Variants in ARHGEF10 observed in about 807,000 individuals in gnomAD.
ARHGEF10 encodes Rho guanine nucleotide exchange factor (GEF) 10.
Under a neutral mutation model 147.4 loss-of-function variants are expected in ARHGEF10, and 140 were observed. The observed-to-expected ratio is 0.95, with a 90% CI of 0.83 to 1.09. The LOEUF (loss-of-function observed/expected upper bound fraction) is 1.09, where lower values mean the gene tolerates loss of function less well. Among genes scored for constraint, ARHGEF10 ranks in the 50% least tolerant of loss-of-function variants. The pLI, the probability that ARHGEF10 is intolerant of heterozygous loss-of-function variation, is 0.00. For missense variants in ARHGEF10, 2,222 were observed against 1,752.7 expected (o/e 1.27, Z -4.78); for synonymous variants, 902 against 695.8 (o/e 1.30, Z -4.67).
chr8:1,827,167 C>T (rs1473437691), intron 1 of ARHGEF10, among the ~76,000 whole-genome samples: 1 of 152,224 alleles, frequency 6.6e-6, no homozygotes, highest in East Asian at 1.9e-4. Flanking sequence ...TGCCCTGCCA[C>T]CAGCCCCCAC....
intron 26 of ARHGEF10, 23 bp from the exon 27 acceptor site, chr8:1,945,458 G>C: frequency 6.4e-7 from 1 of 1,569,074 alleles, no homozygotes; most frequent in South Asian, 1.2e-5. Flanking sequence ...GGGGCTAGCA[G>C]ACTTGACCTC....
At chr8:1,851,507 A>G (rs1563177479) in intron 2 of ARHGEF10, among the ~76,000 whole-genome samples, 1 of 143,714 alleles carries the variant, frequency 7.0e-6, no homozygotes, top group South Asian at 2.2e-4. Flanking sequence ...GATGGGGGAT[A>G]GTGTTGGGGG....
chr8:1,848,305 G>T (rs1454035237), intron 2 of ARHGEF10, among the ~76,000 whole-genome samples: 1 of 152,198 alleles, frequency 6.6e-6, no homozygotes, highest in African/African-American at 2.4e-5. Context: ...GCCCCAGGGA[G>T]GGATTCTTTC....
rs1242298204 is a variant in ARHGEF10 at position 1,889,512 on chromosome 8, G to A, written c.1182+3805G>A. 9.9e-5 allele frequency among the ~76,000 whole-genome samples: 7 copies of A among 70,952 alleles called. 1 individual carries two copies. Among genetic ancestry groups the A allele is most frequent in the African/African-American group, 4.5e-4 (6 of 13,244 alleles). 46.5% of individuals were successfully genotyped at this position (70,952 alleles called of 152,430 possible). On this transcript the variant is annotated intron_variant, in intron 11 of 28. Transcript: ENST00000349830. ...TGAGGGGTCTGTGAGGAGACACTGA[G>A]TGGGGTGAGGGGTATTGAGGAGACA...
chr8:1,915,664 T>C lies in ARHGEF10; in HGVS notation c.2143+6194T>C, dbSNP rs142186740. 6.5e-3 allele frequency among the ~76,000 whole-genome samples: 996 copies of C among 152,354 alleles called. 5 individuals are homozygous for C. The highest frequency in any genetic ancestry group is 0.027 in the Middle Eastern group (8 of 294). On this transcript the variant is annotated intron_variant, in intron 18 of 28. Coordinates refer to ENST00000349830, the MANE Select transcript of ARHGEF10 (RefSeq NM_014629.4). ...CTCCGTCACTGTGTCTGTTTATATC[T>C]CCCGTTACCTCAGGGACAAACACTG...
intron 8 of ARHGEF10, among the ~76,000 whole-genome samples, chr8:1,878,720 T>G (rs1448408539): frequency 6.6e-6 from 1 of 152,208 alleles, no homozygotes; most frequent in Non-Finnish European, 1.5e-5. Flanking sequence ...TAGTCACTCC[T>G]TGGTAGTAAT....
chr8:1,858,184 C>T (rs1210742696), intron 3 of ARHGEF10, 69 bp downstream of exon 3: 4 of 1,450,536 alleles, frequency 2.8e-6, no homozygotes, highest in Non-Finnish European at 3.7e-6. Flanking sequence ...AGGTGGGTCC[C>T]CATGTGAGTC....
intron 2 of ARHGEF10, among the ~76,000 whole-genome samples, chr8:1,844,393 T>TGG (rs1412406812): frequency 2.0e-5 from 3 of 152,038 alleles, no homozygotes; most frequent in Admixed American, 6.5e-5. Flanking sequence ...CGGGGCCTGG[T>TGG]AGATGACAGA....
chr8:1,950,105 G>A (rs184967312), intron 27 of ARHGEF10, among the ~76,000 whole-genome samples: 128 of 152,250 alleles, frequency 8.4e-4, no homozygotes, highest in Non-Finnish European at 1.6e-3. Context: ...CACTTCACAC[G>A]TGTAACCCAT....
intron 1 of ARHGEF10, among the ~76,000 whole-genome samples, chr8:1,840,395 TGTCTGGTGTGGGGACTGTCTG>T: frequency 3.6e-5 from 5 of 140,626 alleles, no homozygotes; most frequent in East Asian, 2.3e-4. Context: ...GTGTGGAAGC[TGTCTGGTGTGGGGACTGTCTG>T]GTGTGGAAGC....
chr8:1,882,330 A>G (rs1444910226), intron 9 of ARHGEF10, among the ~76,000 whole-genome samples: 3 of 152,118 alleles, frequency 2.0e-5, no homozygotes, highest in Admixed American at 1.3e-4. Flanking sequence ...GTTGTTTGAC[A>G]TTTGTGCATG....
intron 1 of ARHGEF10, among the ~76,000 whole-genome samples, chr8:1,837,682 G>A (rs61308353): frequency 0.08 from 12,207 of 152,202 alleles, 639 homozygotes; most frequent in African/African-American, 0.14. Flanking sequence ...AGGGGGAAGA[G>A]TGTGCTTCTG....
rs905145426 is a variant in ARHGEF10, at chr8:1,833,908, G to A, written c.-47-9445G>A. On this transcript the variant is annotated intron_variant, in intron 1 of 28. Coordinates refer to ENST00000349830, the MANE Select transcript of ARHGEF10 (RefSeq NM_014629.4). ...CCCCAAGTGTACGGCACACAGCATT[G>A]TTGGGGAGCCGTGTCGGGGCTGCTG... Among the ~76,000 whole-genome samples, 24 of 152,322 alleles carry A rather than the reference G, an allele frequency of 1.6e-4. No homozygotes were observed. In the East Asian group the frequency reaches 4.6e-3, roughly 29 times the overall value.
At chr8:1,886,740 G>T in intron 11 of ARHGEF10, among the ~76,000 whole-genome samples, 1 of 152,298 alleles carries the variant, frequency 6.6e-6, no homozygotes, top group South Asian at 2.1e-4. Flanking sequence ...TGCAAATCCC[G>T]TTGCCATCCT....
intron 27 of ARHGEF10, among the ~76,000 whole-genome samples, chr8:1,951,580 G>A (rs991149556): frequency 7.2e-5 from 11 of 152,208 alleles, no homozygotes; most frequent in African/African-American, 2.4e-4. Context: ...TGTTTTTCAT[G>A]CTCTTTATCA....
At chr8:1,867,630 C>A (rs925900136) in intron 6 of ARHGEF10, among the ~76,000 whole-genome samples, 1 of 152,226 alleles carries the variant, frequency 6.6e-6, no homozygotes, top group African/African-American at 2.4e-5. Flanking sequence ...GCCAGCCCCC[C>A]TCCAGGTGGC....
chr8:1,829,659 A>G (rs1406410998), intron 1 of ARHGEF10, among the ~76,000 whole-genome samples: 1 of 152,148 alleles, frequency 6.6e-6, no homozygotes, highest in African/African-American at 2.4e-5. Flanking sequence ...AGGGCTGAGG[A>G]GAATTCCTTT....
chr8:1,866,444 C>G (rs1206454532), intron 5 of ARHGEF10, 82 bp from the exon 6 acceptor site: 2 of 1,102,756 alleles, frequency 1.8e-6, no homozygotes, highest in African/African-American at 3.1e-5. Context: ...CACACACACA[C>G]ACACACTCTG....
chr8:1,957,047 G>C lies in ARHGEF10; in HGVS notation c.3819G>C (p.Glu1273Asp). Residue 1273 changes from glutamate to aspartate, a missense_variant, in exon 29 of 29, where the codon GAG becomes GAC. Coordinates refer to ENST00000349830, the MANE Select transcript of ARHGEF10 (RefSeq NM_014629.4). ...LSLSHGSSSL[E>D]HRSEDSTIYD... is the part of the protein sequence containing the mutation. ...TGTCTCACGGCTCCAGCTCTCTAGA[G>C]CACAGATCAGAGGACAGCACCATCT... 6.2e-7 allele frequency: 1 copy of C among 1,613,792 alleles called. No homozygotes were observed. The highest frequency in any genetic ancestry group is 8.5e-7 in the Non-Finnish European group (1 of 1,179,956).
Sources: allele counts gnomAD v4.1 joint callset (sites outside exome capture counted in the v4.1 genomes callset), GRCh38; gene constraint gnomAD v4.1.1; transcripts MANE v1.5; gene names NCBI Gene and HGNC (gene_info 2026-07-23, HGNC 2026-07-21).